The following ELF1 variants were observed in gnomAD, a reference collection of about 807,000 sequenced individuals.
The protein encoded by ELF1 is ETS-related transcription factor Elf-1.
ELF1 carries 24 observed loss-of-function variants against 59.9 expected under a neutral mutation model. The observed-to-expected ratio is 0.40, with a 90% confidence interval of 0.29 to 0.56. ELF1 has a LOEUF of 0.56. ELF1 is among the 20% of genes least tolerant of loss of function. ELF1 has a pLI of 0.44. For synonymous variants in ELF1, 248 were observed against 266.2 expected (o/e 0.93, Z 0.67); for missense variants, 627 against 742.2 (o/e 0.84, Z 1.80).
intron 1 of ELF1, among the ~76,000 whole-genome samples, chr13:41,044,058 A>G (rs903406652): frequency 6.6e-6 from 1 of 152,168 alleles, no homozygotes; most frequent in African/African-American, 2.4e-5. Context: ...CTTTGAAGCA[A>G]TTGTGAATGG....
At chr13:40,939,439 C>T (rs1406393429) in intron 8 of ELF1, among the ~76,000 whole-genome samples, 1 of 152,064 alleles carries the variant, frequency 6.6e-6, no homozygotes, top group Non-Finnish European at 1.5e-5. Flanking sequence ...AATACAGATG[C>T]TAAAAAAATT....
At chr13:40,997,089 C>A (rs148683347) in intron 1 of ELF1, among the ~76,000 whole-genome samples, 193 of 152,248 alleles carry the variant, frequency 1.3e-3, no homozygotes, top group African/African-American at 4.2e-3. Flanking sequence ...GGTTTAAGGA[C>A]ATAATCTCCA....
rs552551648 is a variant in ELF1 at position 40,980,580 on chromosome 13, T to C, written c.72+1403A>G. ...CATAATGTAAAATTCACTTCTCTCA[T>C]GTTCCAAAGAGTGTCAAATCCACTA... On this transcript the variant is annotated intron_variant, in intron 2 of 8. Transcript: ENST00000239882. Among the ~76,000 whole-genome samples, 14 of 152,298 alleles carry C rather than the reference T, an allele frequency of 9.2e-5. No homozygotes were observed. The East Asian group carries it at 2.7e-3, about 29-fold the overall frequency.
chr13:41,060,955 C>CCGCCGCCGCCGCCGCCGCCGCCGCCG (rs1445082763), exon 1 of ELF1: 2 of 353,896 alleles, frequency 5.7e-6, no homozygotes, highest in African/African-American at 4.4e-5. Context: ...GCTGCTGCTG[C>CCGCCGCCGCCGCCGCCGCCGCCGCCG]CCACACGCTC....
At chr13:41,056,773 A>G (rs1410750248) in intron 1 of ELF1, among the ~76,000 whole-genome samples, 1 of 152,244 alleles carries the variant, frequency 6.6e-6, no homozygotes, top group Non-Finnish European at 1.5e-5. Flanking sequence ...AAAATGTCAT[A>G]AAGTAACCAG....
At chr13:40,956,655 G>A (rs1455219244) in intron 3 of ELF1, among the ~76,000 whole-genome samples, 1 of 149,616 alleles carries the variant, frequency 6.7e-6, no homozygotes, top group African/African-American at 2.4e-5. Flanking sequence ...TGGGTCTACT[G>A]ACAGGTTTAC....
intron 1 of ELF1, among the ~76,000 whole-genome samples, chr13:41,056,356 A>T (rs548798007): frequency 6.2e-4 from 95 of 152,210 alleles, no homozygotes; most frequent in African/African-American, 2.2e-3. Context: ...GTGTGGATAC[A>T]CTACATTTTA....
At chr13:41,055,863 T>C in intron 1 of ELF1, among the ~76,000 whole-genome samples, 1 of 151,980 alleles carries the variant, frequency 6.6e-6, no homozygotes, top group East Asian at 1.9e-4. Flanking sequence ...TTTGTTTTTT[T>C]TTTTCTTTGG....
At chr13:41,017,606 G>C (rs1223623255) in intron 1 of ELF1, among the ~76,000 whole-genome samples, 1 of 151,872 alleles carries the variant, frequency 6.6e-6, no homozygotes, top group East Asian at 1.9e-4. Context: ...CCTTCTCCTT[G>C]AAACTCCACT....
chr13:41,060,885 C>G (rs534314968), exon 1 of ELF1: 12 of 342,252 alleles, frequency 3.5e-5, no homozygotes, highest in African/African-American at 1.7e-4. Context: ...CTCTCGCCAC[C>G]GCCGCCTCTG....
chr13:41,004,960 C>T (rs1485764181), intron 1 of ELF1, among the ~76,000 whole-genome samples: 1 of 152,124 alleles, frequency 6.6e-6, no homozygotes, highest in African/African-American at 2.4e-5. Context: ...CTTAACTGGT[C>T]TCCCCAGTGG....
intron 1 of ELF1, among the ~76,000 whole-genome samples, chr13:41,031,992 C>A (rs1267958083): frequency 6.6e-6 from 1 of 151,954 alleles, no homozygotes; most frequent in Non-Finnish European, 1.5e-5. Context: ...CACTAACATT[C>A]TAGAAACATT....
At chr13:41,035,989 C>A (rs984605390) in intron 1 of ELF1, among the ~76,000 whole-genome samples, 1 of 151,420 alleles carries the variant, frequency 6.6e-6, no homozygotes, top group African/African-American at 2.4e-5. Context: ...ACTGCAAGCT[C>A]CACTTTCCGG....
chr13:41,022,641 G>A (rs1875734603), upstream of ELF1, among the ~76,000 whole-genome samples: 1 of 152,202 alleles, frequency 6.6e-6, no homozygotes, highest in Non-Finnish European at 1.5e-5. Flanking sequence ...AGCACTTTGG[G>A]AGGCCAAGGC....
intron 6 of ELF1, among the ~76,000 whole-genome samples, 158 bp downstream of exon 6, chr13:40,943,684 A>T (rs986992159): frequency 6.6e-6 from 1 of 152,208 alleles, no homozygotes; most frequent in East Asian, 1.9e-4. Context: ...CTACTTTACT[A>T]TCAGTTTTAA....
At chr13:40,944,049 T>C (rs1299876213) in intron 5 of ELF1, 124 bp from the exon 6 acceptor site, 4 of 783,594 alleles carry the variant, frequency 5.1e-6, no homozygotes, top group East Asian at 5.4e-5. Flanking sequence ...GGGTCACATA[T>C]ACAGGTCTCT....
intron 1 of ELF1, among the ~76,000 whole-genome samples, chr13:41,054,610 A>G (rs1877219814): frequency 6.6e-6 from 1 of 152,102 alleles, no homozygotes. Context: ...GAAGTCGTAG[A>G]TTTTTTCCTT....
chr13:41,020,434 A>G (rs532840439), upstream of ELF1, among the ~76,000 whole-genome samples: 192 of 152,326 alleles, frequency 1.3e-3, 2 homozygotes, highest in African/African-American at 4.4e-3. Context: ...TTAGTTAATT[A>G]GTTGGGAGTT....
intron 1 of ELF1, among the ~76,000 whole-genome samples, chr13:41,028,171 G>C (rs1314674823): frequency 6.6e-6 from 1 of 152,158 alleles, no homozygotes; most frequent in Admixed American, 6.5e-5. Flanking sequence ...TGATTCCATG[G>C]AACTGGAGTC....
Sources: gnomAD v4.1 joint callset for allele counts (sites outside exome capture counted in the v4.1 genomes callset) on GRCh38, gnomAD v4.1.1 for gene constraint, MANE v1.5 for transcripts, NCBI Gene and HGNC (gene_info 2026-07-23, HGNC 2026-07-21) for gene names.